Variants in FAM149A observed in about 807,000 individuals in gnomAD.
FAM149A encodes family with sequence similarity 149 member A, also known as protein FAM149A.
Under a neutral mutation model 78.2 loss-of-function variants are expected in FAM149A, and 71 were observed. The observed-to-expected ratio is 0.91, with a 90% CI of 0.75 to 1.11. The LOEUF is 1.11. Ranked by LOEUF, FAM149A falls within the 50% of genes least tolerant of loss-of-function variation. The pLI is 0.00. For synonymous variants in FAM149A, 446 were observed against 410.5 expected, an observed-to-expected ratio of 1.09 and a Z score of -1.04; for missense variants, 1,036 against 971.0, an observed-to-expected ratio of 1.07 and a Z score of -0.89.
Position 186,154,549 on chromosome 4 carries a change from T to C in FAM149A, c.1140T>C (p.Ala380=). 18 of 1,614,204 alleles carry C rather than the reference T, an allele frequency of 1.1e-5. No homozygotes were observed. Among genetic ancestry groups the C allele is most frequent in the Non-Finnish European group, 1.5e-5 (18 of 1,180,022 alleles). ...CAGGCCCTGATGACACAGGGGTTGC[T>C]GACCTAACGGCACGTTCATCCCTGG... is the stretch of plus-strand genomic sequence containing the variant. The change falls in exon 6 of 14, where the codon GCT becomes GCC. Residue 380 remains alanine (A), a synonymous_variant. Transcript: ENST00000389354.
intron 1 of FAM149A, among the ~76,000 whole-genome samples, chr4:186,134,885 T>G (rs1174570474): frequency 6.6e-6 from 1 of 152,210 alleles, no homozygotes; most frequent in Non-Finnish European, 1.5e-5. Flanking sequence ...AAAGGTGTGC[T>G]GAGGCTAGGG....
intron 4 of FAM149A, chr4:186,153,227 G>A (rs1733752173): frequency 1.0e-6 from 1 of 975,290 alleles, no homozygotes; most frequent in Non-Finnish European, 1.2e-6. Flanking sequence ...AGGTACATAA[G>A]CCAAGTGTGC....
intron 1 of FAM149A, among the ~76,000 whole-genome samples, chr4:186,146,237 A>G (rs1304354523): frequency 6.6e-6 from 1 of 152,182 alleles, no homozygotes; most frequent in Non-Finnish European, 1.5e-5. Context: ...TGAACTCTGA[A>G]GCTCAAGAAA....
intron 1 of FAM149A, among the ~76,000 whole-genome samples, chr4:186,106,784 A>G (rs1010431959): frequency 5.3e-5 from 8 of 152,070 alleles, no homozygotes; most frequent in African/African-American, 1.7e-4. Context: ...CGTCTCTACT[A>G]AAAATACAAA....
chr4:186,157,723 G>A lies in FAM149A; in HGVS notation c.1575+4G>A, dbSNP rs747565181. 8 of 1,602,828 alleles carry A rather than the reference G, an allele frequency of 5.0e-6. No homozygotes were observed. The highest frequency in any genetic ancestry group is 4.5e-5 in the East Asian group (2 of 44,770). ...TTCTCGTCTGAACCCGCCCCAGGTC[G>A]GTGCTTTCACACCCTTCTCCCTCTT... On this transcript the variant is annotated splice_donor_region_variant and intron_variant, in intron 8 of 13. Transcript: ENST00000389354.
chr4:186,116,292 C>T (rs992540259), intron 1 of FAM149A: 28 of 199,046 alleles, frequency 1.4e-4, no homozygotes, highest in Non-Finnish European at 2.4e-4. Flanking sequence ...CGCCCACTGT[C>T]TGGCACTCCC....
intron 1 of FAM149A, chr4:186,117,433 T>C (rs1279405629): frequency 2.0e-6 from 2 of 985,366 alleles, no homozygotes; most frequent in Non-Finnish European, 2.4e-6. Flanking sequence ...GACACACTGC[T>C]GTGAGCACAC....
At chr4:186,171,175 C>A (rs10440485) in intron 13 of FAM149A, 8,952 of 152,912 alleles carry the variant, frequency 0.059, 468 homozygotes, top group African/African-American at 0.14. Flanking sequence ...CACGCTCCTG[C>A]CTTCCTCCCA....
At chr4:186,110,368 A>T in intron 1 of FAM149A, 1 of 938,564 alleles carries the variant, frequency 1.1e-6, no homozygotes, top group Non-Finnish European at 1.3e-6. Flanking sequence ...GGCTCAGTGT[A>T]CAATTGTCAT....
intron 10 of FAM149A, among the ~76,000 whole-genome samples, chr4:186,165,090 C>A (rs542104511): frequency 9.8e-5 from 15 of 152,290 alleles, no homozygotes; most frequent in African/African-American, 2.9e-4. Flanking sequence ...TCTGACCCCC[C>A]CACACACCAG....
At chr4:186,137,215 T>C (rs2099323763) in intron 1 of FAM149A, among the ~76,000 whole-genome samples, 1 of 151,818 alleles carries the variant, frequency 6.6e-6, no homozygotes, top group East Asian at 1.9e-4. Flanking sequence ...GATAAAGCTG[T>C]GTACCCTTGG....
intron 1 of FAM149A, among the ~76,000 whole-genome samples, chr4:186,125,532 C>G (rs1179266155): frequency 1.3e-5 from 2 of 152,134 alleles, no homozygotes; most frequent in South Asian, 2.1e-4. Context: ...AGGGGTAGCT[C>G]TATCCAAGCA....
intron 8 of FAM149A, chr4:186,157,923 A>G (rs940049117): frequency 1.7e-5 from 26 of 1,531,266 alleles, no homozygotes; most frequent in Non-Finnish European, 2.2e-5. Context: ...CGTCCTGCCT[A>G]TGAAGGACGA....
rs1454530472 is a variant in FAM149A, at chr4:186,158,012, C to CA, written c.1575+297dup. ...GCTTCCAGATGGAGCAGTATATCCA[C>CA]AAAAGGACGGACCAGCGATGGCATC... is the stretch of plus-strand genomic sequence containing the variant. On this transcript the variant is annotated intron_variant, in intron 8 of 13. Coordinates refer to ENST00000389354, the MANE Select transcript of FAM149A (RefSeq NM_001367768.3). The CA allele has an allele frequency of 3.4e-6, 5 of 1,462,256 alleles. No individual in the cohort carries two copies. In the South Asian group the frequency reaches 6.0e-5, roughly 18 times the overall value. The allele number at this position is 1,462,256 out of a possible 1,614,324, so 90.6% of individuals were successfully genotyped here.
chr4:186,151,249 T>C (rs903712524), intron 3 of FAM149A, among the ~76,000 whole-genome samples: 1 of 152,180 alleles, frequency 6.6e-6, no homozygotes, highest in Non-Finnish European at 1.5e-5. Context: ...CCGCCTTCCT[T>C]GGTAGAAGGC....
chr4:186,165,480 T>C lies in FAM149A; in HGVS notation c.2010+16T>C. 2 of 1,613,846 alleles carry C rather than the reference T, an allele frequency of 1.2e-6. No individual in the cohort carries two copies. Among genetic ancestry groups the C allele is most frequent in the Non-Finnish European group, 1.7e-6 (2 of 1,179,790 alleles). ...CCTTGTTTCTGTAAGACAGATTTCA[T>C]TCTATTTCAGTGGACCATTTAGGTT... On this transcript the variant is annotated intron_variant, in intron 11 of 13. Coordinates refer to ENST00000389354, the MANE Select transcript of FAM149A (RefSeq NM_001367768.3).
At chr4:186,166,088 G>T (rs1350654992) in intron 11 of FAM149A, among the ~76,000 whole-genome samples, 1 of 152,200 alleles carries the variant, frequency 6.6e-6, no homozygotes, top group East Asian at 1.9e-4. Context: ...TCTGCGGGGG[G>T]TGTGCTGTGG....
rs1311919174 is a variant in FAM149A at position 186,152,041 on chromosome 4, T to C, written c.928T>C (p.Leu310=). Reference sequence around the variant, plus strand: ...GGAGTGGACAAGAAGATCCCTCCATTTGAGGTGGGACCTTGGTGGTGGAAG... The same window carrying C: ...GGAGTGGACAAGAAGATCCCTCCATCTGAGGTGGGACCTTGGTGGTGGAAG... Residue 310 remains leucine (L), a synonymous_variant, in exon 4 of 14, where the codon TTG becomes CTG. Coordinates refer to ENST00000389354, the MANE Select transcript of FAM149A (RefSeq NM_001367768.3). 2 of 1,613,502 alleles carry C rather than the reference T, an allele frequency of 1.2e-6. No homozygotes were observed. The highest frequency in any genetic ancestry group is 2.7e-5 in the African/African-American group (2 of 74,880).
intron 1 of FAM149A, among the ~76,000 whole-genome samples, chr4:186,147,489 G>C (rs1435437940): frequency 6.6e-6 from 1 of 152,214 alleles, no homozygotes; most frequent in Non-Finnish European, 1.5e-5. Flanking sequence ...TGTGGACACT[G>C]AATTCAGGAG....
Sources: allele counts gnomAD v4.1 joint callset (sites outside exome capture counted in the v4.1 genomes callset), GRCh38; gene constraint gnomAD v4.1.1; transcripts MANE v1.5; gene names NCBI Gene and HGNC (gene_info 2026-07-23, HGNC 2026-07-21).